CDK17: variants seen among roughly 807,000 people sequenced by gnomAD.
CDK17 encodes the protein cyclin-dependent kinase 17.
CDK17 carries 24 observed loss-of-function variants against 77.6 expected under a neutral mutation model. The observed-to-expected ratio is 0.31, with a 90% CI of 0.22 to 0.44. CDK17 has a LOEUF of 0.44. CDK17 is among the 20% of genes least tolerant of loss of function. The probability of loss-of-function intolerance (pLI) is 1.00; values close to 1 mark genes in which losing one functional copy is unlikely to be tolerated. For synonymous variants in CDK17, 203 were observed against 210.4 expected (o/e 0.96, Z 0.30); for missense variants, 429 against 622.5 (o/e 0.69, Z 3.31).
intron 1 of CDK17, among the ~76,000 whole-genome samples, chr12:96,363,320 G>A (rs1953526215): frequency 1.3e-5 from 2 of 151,810 alleles, no homozygotes; most frequent in South Asian, 4.2e-4. Flanking sequence ...GCATGGTGGT[G>A]GGCGCCTGTA....
At chr12:96,354,969 T>A (rs535944936) in intron 1 of CDK17, among the ~76,000 whole-genome samples, 117 of 152,242 alleles carry the variant, frequency 7.7e-4, no homozygotes, top group Non-Finnish European at 1.5e-3. Context: ...GCCCATAGTG[T>A]ATTTCTATAC....
At chr12:96,334,676 T>A in intron 2 of CDK17, 43 bp downstream of exon 2, 4 of 975,992 alleles carry the variant, frequency 4.1e-6, no homozygotes, top group Non-Finnish European at 6.6e-6. Flanking sequence ...ATTCATAAAG[T>A]AATTAAAAGG....
chr12:96,286,875 C>T, intron 11 of CDK17, 114 bp from the exon 12 acceptor site: 1 of 712,476 alleles, frequency 1.4e-6, no homozygotes. Flanking sequence ...TGTCGGAAAA[C>T]CTCTTGAAGG....
Position 96,347,372 on chromosome 12 carries a change from T to C in CDK17, c.-29-12507A>G, listed in dbSNP as rs1953230958. 4.0e-5 allele frequency among the ~76,000 whole-genome samples: 6 copies of C among 151,658 alleles called. No homozygotes were observed. The South Asian group carries it at 1.3e-3, about 32-fold the overall frequency. ...TGAGGTCAGGAGTTTCAAACCAGCC[T>C]GGCCAACATGGTGAGAACTCGTCTT... is the stretch of plus-strand genomic sequence containing the variant. On this transcript the variant is annotated intron_variant, in intron 1 of 16. Transcript: ENST00000261211.
rs745741950 is a variant in CDK17 at position 96,297,346 on chromosome 12, G to A, written c.811-14C>T. On this transcript the variant is annotated splice_polypyrimidine_tract_variant and intron_variant, in intron 8 of 16. Coordinates refer to ENST00000261211, the MANE Select transcript of CDK17 (RefSeq NM_002595.5). Reference sequence around the variant, plus strand: ...CAGGTCTTTATCCTGGAAAAACACAGCACTCTGCTATGTGATACACCATTT... The same window carrying A: ...CAGGTCTTTATCCTGGAAAAACACAACACTCTGCTATGTGATACACCATTT... The A allele has an allele frequency of 4.5e-6, 7 of 1,572,888 alleles. No homozygotes were observed. Among genetic ancestry groups the A allele is most frequent in the South Asian group, 1.1e-5 (1 of 89,650 alleles).
intron 1 of CDK17, among the ~76,000 whole-genome samples, chr12:96,360,202 G>T (rs921208265): frequency 6.6e-6 from 1 of 152,194 alleles, no homozygotes. Flanking sequence ...CCTGTATCCA[G>T]CATACGTTTA....
At chr12:96,382,236 A>G (rs1423585465) in intron 1 of CDK17, among the ~76,000 whole-genome samples, 1 of 152,134 alleles carries the variant, frequency 6.6e-6, no homozygotes, top group Non-Finnish European at 1.5e-5. Context: ...ATGCACACAA[A>G]TTAGAAAATC....
chr12:96,391,880 G>C (rs1954074338), intron 1 of CDK17, among the ~76,000 whole-genome samples: 1 of 152,086 alleles, frequency 6.6e-6, no homozygotes, highest in Admixed American at 6.6e-5. Context: ...AAACTGTATA[G>C]CTCCAATATT....
Position 96,295,080 on chromosome 12 carries a change from T to C in CDK17, c.916A>G (p.Arg306Gly). Residue 306 changes from arginine (R) to glycine (G), a missense_variant, in exon 10 of 17, where the codon AGA becomes GGA. Around this residue, in one of 4 missense-constraint regions of CDK17, gnomAD observed 262 missense variants for 385.4 expected, o/e 0.68. Transcript: ENST00000261211. ...QILRGLAYCH[R>G]RKVLHRDLKP... Reference sequence around the variant, plus strand: ...AAGTCTCGATGCAATACCTTTCTTCTATGGCAATATGCCAAACCACGTAGA... The same window carrying C: ...AAGTCTCGATGCAATACCTTTCTTCCATGGCAATATGCCAAACCACGTAGA... The C allele has an allele frequency of 6.2e-7, 1 of 1,611,274 alleles. No individual in the cohort carries two copies. Among genetic ancestry groups the C allele is most frequent in the East Asian group, 2.2e-5 (1 of 44,798 alleles).
chr12:96,328,862 G>A (rs1952928470), intron 2 of CDK17, among the ~76,000 whole-genome samples: 1 of 152,092 alleles, frequency 6.6e-6, no homozygotes, highest in Non-Finnish European at 1.5e-5. Context: ...CCCAAGGAGA[G>A]GGTATAGACA....
intron 1 of CDK17, chr12:96,387,224 A>G (rs1953991188): frequency 4.1e-6 from 1 of 243,512 alleles, no homozygotes; most frequent in African/African-American, 2.3e-5. Flanking sequence ...CTTGGGTCCA[A>G]TAGCACACAG....
At chr12:96,326,737 G>T (rs1437809654) in intron 2 of CDK17, among the ~76,000 whole-genome samples, 1 of 152,124 alleles carries the variant, frequency 6.6e-6, no homozygotes, top group Non-Finnish European at 1.5e-5. Context: ...GCTGGTCCAG[G>T]GATCACACTT....
chr12:96,284,763 C>T (rs1461725687), intron 13 of CDK17, among the ~76,000 whole-genome samples: 1 of 151,910 alleles, frequency 6.6e-6, no homozygotes, highest in Non-Finnish European at 1.5e-5. Context: ...AGGGTTTCTC[C>T]ATGTTGGTCA....
chr12:96,380,501 G>C (rs937001491), intron 1 of CDK17, among the ~76,000 whole-genome samples: 2 of 151,932 alleles, frequency 1.3e-5, no homozygotes, highest in Admixed American at 1.3e-4. Context: ...ATCTTGGCCA[G>C]ACTGGTCTTG....
chr12:96,377,311 C>T (rs189941446), intron 1 of CDK17, among the ~76,000 whole-genome samples: 213 of 152,178 alleles, frequency 1.4e-3, no homozygotes, highest in African/African-American at 4.7e-3. Flanking sequence ...ATATAAAAGT[C>T]GAAAGTTATG....
rs1355197740 is a variant in CDK17 at position 96,280,048 on chromosome 12, T to C, written c.*194A>G. The C allele has an allele frequency of 7.7e-6, 4 of 522,660 alleles. No individual in the cohort carries two copies. Among genetic ancestry groups the C allele is most frequent in the Non-Finnish European group, 9.8e-6 (3 of 305,802 alleles). 32.4% of individuals were successfully genotyped at this position (522,660 alleles called of 1,614,324 possible). ...GCAGAGAAGACCTTAAAACCGACTG[T>C]ACAAAAAATTGTCACACTGTGACAA... is the stretch of plus-strand genomic sequence containing the variant. On this transcript the variant is annotated 3_prime_UTR_variant, in exon 17 of 17. Transcript: ENST00000261211.
At chr12:96,344,704 A>G (rs1008563838) in intron 1 of CDK17, among the ~76,000 whole-genome samples, 4 of 152,268 alleles carry the variant, frequency 2.6e-5, no homozygotes, top group Non-Finnish European at 5.9e-5. Flanking sequence ...CCTTCAGGCT[A>G]TAATGAAAGG....
At chr12:96,306,012 A>AT (rs1952572129) in intron 5 of CDK17, among the ~76,000 whole-genome samples, 20 of 152,122 alleles carry the variant, frequency 1.3e-4, no homozygotes, top group Admixed American at 1.3e-3. Context: ...ATGAGCCACA[A>AT]CATCTGGCCC....
intron 1 of CDK17, among the ~76,000 whole-genome samples, chr12:96,370,031 G>C (rs1279933171): frequency 6.6e-6 from 1 of 152,156 alleles, no homozygotes; most frequent in Admixed American, 6.5e-5. Context: ...GCGAGTGTAA[G>C]AGCTGGACAG....
Sources: allele counts gnomAD v4.1 joint callset (sites outside exome capture counted in the v4.1 genomes callset), GRCh38; gene constraint gnomAD v4.1.1; regional missense constraint gnomAD v4.1.1; transcripts MANE v1.5; gene names NCBI Gene and HGNC (gene_info 2026-07-23, HGNC 2026-07-21).